FAM168B: variants seen among roughly 807,000 people sequenced by gnomAD.
The protein encoded by FAM168B is myelin-associated neurite-outgrowth inhibitor.
In FAM168B, 19 loss-of-function variants were observed where a neutral mutation model predicts 21.8. The observed-to-expected ratio is 0.87, with a 90% CI of 0.61 to 1.28. The LOEUF is 1.28. Ranked by LOEUF, FAM168B falls within the 50% of genes most tolerant of loss-of-function variation. The pLI is 0.00. For missense variants in FAM168B, 233 were observed against 263.1 expected, an observed-to-expected ratio of 0.89 and a Z score of 0.79; for synonymous variants, 126 against 104.8, an observed-to-expected ratio of 1.20 and a Z score of -1.24.
chr2:131,050,694 G>A lies in FAM168B; in HGVS notation c.*1771C>T. 3.0e-6 allele frequency: 3 copies of A among 985,364 alleles called. No individual in the cohort carries two copies. The highest frequency in any genetic ancestry group is 3.6e-6 in the Non-Finnish European group (3 of 829,910). 61.0% of individuals were successfully genotyped at this position (985,364 alleles called of 1,614,324 possible). ...AGAAGTACTTACTATAAAAAATAAG[G>A]TTACCAAAGGCTCAGTGGTCAGGTG... On this transcript the variant is annotated 3_prime_UTR_variant, in exon 7 of 7. Coordinates refer to ENST00000389915, the MANE Select transcript of FAM168B (RefSeq NM_001009993.4).
intron 2 of FAM168B, among the ~76,000 whole-genome samples, chr2:131,075,122 T>C (rs1693074998): frequency 6.6e-6 from 1 of 151,962 alleles, no homozygotes; most frequent in Non-Finnish European, 1.5e-5. Context: ...AGACCCACAA[T>C]GGCCACTGGA....
chr2:131,089,087 C>A (rs1323070736), intron 1 of FAM168B, among the ~76,000 whole-genome samples: 1 of 152,074 alleles, frequency 6.6e-6, no homozygotes, highest in Non-Finnish European at 1.5e-5. Context: ...CTGTCTCAGC[C>A]TCCTGAGTAG....
At chr2:131,061,915 T>C (rs1306401963) in intron 3 of FAM168B, among the ~76,000 whole-genome samples, 1 of 152,098 alleles carries the variant, frequency 6.6e-6, no homozygotes, top group East Asian at 1.9e-4. Flanking sequence ...AGGCATAGGC[T>C]GGAAAAAAAG....
Position 131,055,572 on chromosome 2 carries a change from T to C in FAM168B, c.278A>G (p.Gln93Arg). ...AVYPVRSAYP[Q>R]QSPYAQQGTY... ...GCATACCTGTGCATACGGGCTCTGCTGGGGGTAGGCACTTCGCACAGGGTA... is the reference window on the plus strand; with the variant it reads ...GCATACCTGTGCATACGGGCTCTGCCGGGGGTAGGCACTTCGCACAGGGTA... Residue 93 changes from glutamine to arginine, a missense_variant, in exon 4 of 7, where the codon CAG (glutamine) becomes CGG (arginine). By Grantham distance (43) the Gln-to-Arg change is conservative. Coordinates refer to ENST00000389915, the MANE Select transcript of FAM168B (RefSeq NM_001009993.4). 6.2e-7 allele frequency: 1 copy of C among 1,604,604 alleles called. No homozygotes were observed. Among genetic ancestry groups the C allele is most frequent in the Non-Finnish European group, 8.5e-7 (1 of 1,175,262 alleles).
chr2:131,062,215 G>C (rs1011786798), intron 3 of FAM168B, among the ~76,000 whole-genome samples: 8 of 152,340 alleles, frequency 5.3e-5, no homozygotes, highest in African/African-American at 1.9e-4. Flanking sequence ...AAACCAAAGT[G>C]AGGAAAATCT....
In FAM168B at chr2:131,091,658, AAAG is replaced by A. The variant is rs1559010776; in HGVS notation, c.-12+1553_-12+1555del. ...CGACACTCCGTCTCACAAAAAAAAA[AAAG>A]AAAAAAGAAAAGAAGTTCTCTCCCC... On this transcript the variant is annotated intron_variant, in intron 1 of 6. Transcript: ENST00000389915. 2.0e-5 allele frequency among the ~76,000 whole-genome samples: 3 copies of A among 151,140 alleles called. No individual in the cohort carries two copies. The Admixed American group carries it at 2.1e-4, about 10-fold the overall frequency.
chr2:131,088,009 G>T (rs769726264), intron 1 of FAM168B, among the ~76,000 whole-genome samples: 1 of 152,142 alleles, frequency 6.6e-6, no homozygotes, highest in African/African-American at 2.4e-5. Flanking sequence ...ACTTTGGGAG[G>T]CCGATGAGGG....
In FAM168B at chr2:131,093,435, G is replaced by T. The variant is rs925803604; in HGVS notation, c.-233C>A. ...TCCGCAGCCCGCGCTCCCCGCCGACGCTGCGCAGCCACCGGAGCCGCCGAC... is the reference window on the plus strand; with the variant it reads ...TCCGCAGCCCGCGCTCCCCGCCGACTCTGCGCAGCCACCGGAGCCGCCGAC... On this transcript the variant is annotated 5_prime_UTR_variant, in exon 1 of 7. Transcript: ENST00000389915. The T allele has an allele frequency of 6.6e-6, 1 of 151,164 alleles. No homozygotes were observed. Among genetic ancestry groups the T allele is most frequent in the African/African-American group, 2.4e-5 (1 of 41,290 alleles). The allele number at this position is 151,164 out of a possible 1,614,324, so 9.4% of individuals were successfully genotyped here.
Position 131,051,879 on chromosome 2 carries a change from C to G in FAM168B, c.*586G>C, listed in dbSNP as rs1691699411. ...CTCTCCCAAACCTCGCAACTCCCTC[C>G]CAGGACAGTCAGTGCCAAAGAAACA... On this transcript the variant is annotated 3_prime_UTR_variant, in exon 7 of 7. Transcript: ENST00000389915. 1 of 985,316 alleles carries G rather than the reference C, an allele frequency of 1.0e-6. No homozygotes were observed. The highest frequency in any genetic ancestry group is 6.2e-5 in the Admixed American group (1 of 16,258). The allele number at this position is 985,316 out of a possible 1,614,324, so 61.0% of individuals were successfully genotyped here.
Position 131,052,335 on chromosome 2 carries a change from A to G in FAM168B, c.*130T>C. The G allele has an allele frequency of 1.0e-6, 1 of 986,126 alleles. No homozygotes were observed. The highest frequency in any genetic ancestry group is 1.2e-6 in the Non-Finnish European group (1 of 830,112). The allele number at this position is 986,126 out of a possible 1,614,324, so 61.1% of individuals were successfully genotyped here. A position where few individuals can be genotyped will look rare whatever the true frequency, so the allele number is the denominator to read the frequency against. On this transcript the variant is annotated 3_prime_UTR_variant, in exon 7 of 7. Coordinates refer to ENST00000389915, the MANE Select transcript of FAM168B (RefSeq NM_001009993.4). ...GCTGGGGCCTGCTGGGCCGGGATAT[A>G]GTCGTGTTTAGCTAAGTGTCGAGAG... is the stretch of plus-strand genomic sequence containing the variant.
chr2:131,092,342 C>G (rs903953635), intron 1 of FAM168B, among the ~76,000 whole-genome samples: 1 of 151,898 alleles, frequency 6.6e-6, no homozygotes, highest in African/African-American at 2.4e-5. Flanking sequence ...TCTTGGCTGT[C>G]AAAGCAAAAA....
intron 3 of FAM168B, among the ~76,000 whole-genome samples, chr2:131,059,767 C>A (rs1034129502): frequency 2.0e-5 from 3 of 152,132 alleles, no homozygotes; most frequent in African/African-American, 7.2e-5. Context: ...AATATGAACA[C>A]TGATTACAAT....
intron 2 of FAM168B, among the ~76,000 whole-genome samples, chr2:131,074,754 G>A (rs531124413): frequency 2.0e-5 from 3 of 152,242 alleles, no homozygotes; most frequent in Admixed American, 6.5e-5. Context: ...ATGCCAAAAG[G>A]AAAATCTTTG....
intron 1 of FAM168B, among the ~76,000 whole-genome samples, chr2:131,083,988 T>C (rs1693553402): frequency 6.6e-6 from 1 of 152,020 alleles, no homozygotes; most frequent in African/African-American, 2.4e-5. Flanking sequence ...ACTGCAACTT[T>C]GCCTCCCAGG....
chr2:131,078,706 A>G (rs10208629), intron 2 of FAM168B, among the ~76,000 whole-genome samples: 43,127 of 152,104 alleles, frequency 0.28, 10,274 homozygotes, highest in African/African-American at 0.66. Context: ...AAATTATTCT[A>G]GGCCGGGCAC....
intron 1 of FAM168B, among the ~76,000 whole-genome samples, chr2:131,083,431 T>G (rs993058509): frequency 1.3e-5 from 2 of 152,108 alleles, no homozygotes; most frequent in Non-Finnish European, 2.9e-5. Flanking sequence ...TCCCAGCTAC[T>G]TGGGAGGCTG....
rs1369095523 is a variant in FAM168B, at chr2:131,048,995, A to G, written c.*3470T>C. On this transcript the variant is annotated 3_prime_UTR_variant, in exon 7 of 7. Transcript: ENST00000389915. ...CACTGTTCTCAAATGTTTAAAAAGG[A>G]CAGGTGAAGTCTGGGTCTCCTTTTT... The G allele has an allele frequency of 1.0e-6, 1 of 985,470 alleles. No homozygotes were observed. The highest frequency in any genetic ancestry group is 1.7e-5 in the African/African-American group (1 of 57,232). The allele number at this position is 985,470 out of a possible 1,614,324, so 61.0% of individuals were successfully genotyped here. A position where few individuals can be genotyped will look rare whatever the true frequency, so the allele number is the denominator to read the frequency against.
At chr2:131,066,542 T>C (rs1692568669) in intron 3 of FAM168B, among the ~76,000 whole-genome samples, 1 of 151,294 alleles carries the variant, frequency 6.6e-6, no homozygotes, top group Non-Finnish European at 1.5e-5. Context: ...GTGTAGAGCT[T>C]ATTACAAAGA....
intron 1 of FAM168B, among the ~76,000 whole-genome samples, chr2:131,084,554 A>C (rs1033251847): frequency 6.6e-6 from 1 of 151,914 alleles, no homozygotes; most frequent in Non-Finnish European, 1.5e-5. Context: ...AGAAAGACTA[A>C]CTGGTTACAG....
Sources: gnomAD v4.1 joint callset for allele counts (sites outside exome capture counted in the v4.1 genomes callset) on GRCh38, gnomAD v4.1.1 for gene constraint, MANE v1.5 for transcripts, NCBI Gene and HGNC (gene_info 2026-07-23, HGNC 2026-07-21) for gene names.